The following SMC1B variants were observed in gnomAD, a reference collection of about 807,000 sequenced individuals.
SMC1B encodes the protein structural maintenance of chromosomes protein 1B.
In SMC1B, 60 loss-of-function variants were observed where a neutral mutation model predicts 157.9. The observed-to-expected ratio is 0.38, with a 90% CI of 0.31 to 0.47. The LOEUF is 0.47. SMC1B is among the 20% of genes least tolerant of loss of function. SMC1B has a pLI of 0.99. For missense variants in SMC1B, 1,165 were observed against 1,426.2 expected (o/e 0.82, Z 2.95); for synonymous variants, 445 against 483.0 (o/e 0.92, Z 1.03).
intron 23 of SMC1B, among the ~76,000 whole-genome samples, chr22:45,348,061 A>G (rs905451887): frequency 2.6e-5 from 4 of 152,128 alleles, no homozygotes; most frequent in Admixed American, 1.3e-4. Flanking sequence ...CCAAAATTCA[A>G]TCTAGTCACT....
intron 17 of SMC1B, among the ~76,000 whole-genome samples, chr22:45,361,636 A>G (rs1230615137): frequency 6.6e-6 from 1 of 152,202 alleles, no homozygotes; most frequent in Non-Finnish European, 1.5e-5. Flanking sequence ...AGAAAAAACA[A>G]AACACTATTT....
At chr22:45,369,207 C>T (rs1460584933) in intron 15 of SMC1B, among the ~76,000 whole-genome samples, 1 of 152,126 alleles carries the variant, frequency 6.6e-6, no homozygotes, top group African/African-American at 2.4e-5. Flanking sequence ...TGCCATTCTC[C>T]TGCCTCAGCC....
In SMC1B at chr22:45,371,517, T is replaced by C; in HGVS notation, c.2267A>G (p.Lys756Arg). ...TTCTTTAATTCTTCGTTGTCGTTCC[T>C]TGATTCCTTCACTCAACATAATACA... is the stretch of plus-strand genomic sequence containing the variant. ...SQCIMLSEGIKERQRRIKEFQ... is the reference protein window; with the variant it reads ...SQCIMLSEGIRERQRRIKEFQ... Residue 756 changes from lysine to arginine, a missense_variant, in exon 14 of 25, where the codon AAG (lysine) becomes AGG (arginine). Lys to Arg is a conservative substitution (Grantham distance 26). Coordinates refer to ENST00000357450, the MANE Select transcript of SMC1B (RefSeq NM_148674.5). The C allele has an allele frequency of 6.3e-7, 1 of 1,599,998 alleles. No individual in the cohort carries two copies. Among genetic ancestry groups the C allele is most frequent in the African/African-American group, 1.3e-5 (1 of 74,498 alleles).
chr22:45,356,891 G>A (rs186164287), intron 19 of SMC1B, among the ~76,000 whole-genome samples: 4 of 151,888 alleles, frequency 2.6e-5, no homozygotes, highest in Admixed American at 6.6e-5. Flanking sequence ...CACTGTGCCC[G>A]GCTAATTTTT....
intron 12 of SMC1B, among the ~76,000 whole-genome samples, chr22:45,380,018 T>G (rs765007125): frequency 1.1e-4 from 17 of 152,202 alleles, no homozygotes; most frequent in Non-Finnish European, 1.6e-4. Context: ...ATTACAGGTA[T>G]GAGCTATTGC....
chr22:45,383,065 G>A (rs1331372955), intron 12 of SMC1B, among the ~76,000 whole-genome samples: 2 of 151,972 alleles, frequency 1.3e-5, no homozygotes, highest in South Asian at 2.1e-4. Context: ...CCCAGGAGGC[G>A]GAGGTTGTGG....
intron 21 of SMC1B, 85 bp downstream of exon 21, chr22:45,353,893 C>CCA: frequency 4.3e-6 from 1 of 234,558 alleles, no homozygotes; most frequent in Admixed American, 1.1e-4. Flanking sequence ...TATTTCCCAC[C>CCA]AAAAAAAAAA....
Position 45,406,738 on chromosome 22 carries a change from A to C in SMC1B, c.411+15T>G. 6.3e-7 allele frequency: 1 copy of C among 1,584,146 alleles called. No individual in the cohort carries two copies. Among genetic ancestry groups the C allele is most frequent in the Non-Finnish European group, 8.6e-7 (1 of 1,169,084 alleles). ...TTCAAAACTCTGAATCAAATAAACT[A>C]CTATAGCTACTTACCTGAAAAACCA... On this transcript the variant is annotated intron_variant, in intron 3 of 24. Transcript: ENST00000357450.
At chr22:45,358,122 T>C (rs2086687104) in intron 19 of SMC1B, among the ~76,000 whole-genome samples, 1 of 152,116 alleles carries the variant, frequency 6.6e-6, no homozygotes, top group Admixed American at 6.6e-5. Context: ...GCTGGGAGGG[T>C]GACATGCCCG....
intron 1 of SMC1B, among the ~76,000 whole-genome samples, chr22:45,411,731 C>T (rs1273183035): frequency 1.3e-5 from 2 of 151,842 alleles, no homozygotes; most frequent in East Asian, 1.9e-4. Context: ...GGACTACAGG[C>T]GTGCGCCACC....
intron 12 of SMC1B, among the ~76,000 whole-genome samples, chr22:45,380,472 A>G (rs191951233): frequency 6.6e-6 from 1 of 152,206 alleles, no homozygotes; most frequent in Non-Finnish European, 1.5e-5. Flanking sequence ...TCCTGAGTCT[A>G]TCTACTAAGT....
chr22:45,371,449 G>A (rs760223579), intron 14 of SMC1B, 22 bp downstream of exon 14: 2 of 1,565,356 alleles, frequency 1.3e-6, no homozygotes, highest in Non-Finnish European at 1.7e-6. Flanking sequence ...TACCATTTAG[G>A]AATAAATATA....
chr22:45,363,410 AGTGGCT>A (rs2086740492), intron 15 of SMC1B, among the ~76,000 whole-genome samples: 1 of 152,246 alleles, frequency 6.6e-6, no homozygotes, highest in Admixed American at 6.5e-5. Flanking sequence ...TTCTGGGCGC[AGTGGCT>A]CATGCCTGTA....
At chr22:45,348,615 C>T (rs1467843217) in intron 23 of SMC1B, among the ~76,000 whole-genome samples, 2 of 152,188 alleles carry the variant, frequency 1.3e-5, no homozygotes, top group Non-Finnish European at 2.9e-5. Context: ...CATTTGACCC[C>T]CATGTTGATT....
chr22:45,374,671 C>T (rs1176518488), intron 12 of SMC1B, among the ~76,000 whole-genome samples: 3 of 152,082 alleles, frequency 2.0e-5, no homozygotes, highest in Admixed American at 6.5e-5. Flanking sequence ...CTGTGCTTTT[C>T]GTAAAGCCCT....
Position 45,402,403 on chromosome 22 carries a change from T to C in SMC1B, c.784A>G (p.Ile262Val), listed in dbSNP as rs1235474993. The C allele has an allele frequency of 1.9e-6, 3 of 1,613,900 alleles. No individual in the cohort carries two copies. The highest frequency in any genetic ancestry group is 2.5e-6 in the Non-Finnish European group (3 of 1,179,974). Residue 262 changes from isoleucine (I) to valine (V), a missense_variant, in exon 5 of 25, where the codon ATA becomes GTA. Physicochemically the swap from Ile to Val is conservative, Grantham distance 29. Coordinates refer to ENST00000357450, the MANE Select transcript of SMC1B (RefSeq NM_148674.5). ...TGTTCCTTTTTCCTGGCTTTAACTA[T>C]GTTTTCATGATGAGACAAAGACTCT... is the stretch of plus-strand genomic sequence containing the variant. ...KRESLSHHENIVKARKKEHGM... is the reference protein window; with the variant it reads ...KRESLSHHENVVKARKKEHGM...
At chr22:45,357,088 T>G (rs1170116210) in intron 19 of SMC1B, among the ~76,000 whole-genome samples, 1 of 152,184 alleles carries the variant, frequency 6.6e-6, no homozygotes, top group East Asian at 1.9e-4. Context: ...GAAAGGCAGT[T>G]TTTTGCATGA....
chr22:45,395,388 CT>C (rs1324975499), intron 7 of SMC1B, among the ~76,000 whole-genome samples: 4 of 152,256 alleles, frequency 2.6e-5, no homozygotes, highest in Middle Eastern at 3.4e-3. Flanking sequence ...ATGTGTTCTT[CT>C]TGTTTTTTTG....
chr22:45,401,184 CTGAG>C (rs1368078041), intron 5 of SMC1B, among the ~76,000 whole-genome samples: 7 of 152,090 alleles, frequency 4.6e-5, no homozygotes, highest in Non-Finnish European at 8.8e-5. Flanking sequence ...ATAGGAGAAA[CTGAG>C]TGTTGGGAAT....
Sources: gnomAD v4.1 joint callset for allele counts (sites outside exome capture counted in the v4.1 genomes callset) on GRCh38, gnomAD v4.1.1 for gene constraint, MANE v1.5 for transcripts, NCBI Gene and HGNC (gene_info 2026-07-23, HGNC 2026-07-21) for gene names.